PDLIM1: variants seen among roughly 807,000 people sequenced by gnomAD.
PDLIM1 encodes the protein PDZ and LIM domain 1.
A neutral mutation model predicts 35.2 loss-of-function variants in PDLIM1; 25 were observed. The ratio of observed to expected loss-of-function variants is 0.71; its 90% CI spans 0.52 to 0.99. PDLIM1 has a LOEUF of 0.99. PDLIM1 is among the 50% of genes least tolerant of loss of function. PDLIM1 has a pLI of 0.00. For missense variants in PDLIM1, 363 were observed against 415.3 expected (o/e 0.87, Z 1.09); for synonymous variants, 152 against 154.0 (o/e 0.99, Z 0.10).
At chr10:95,256,653 T>C (rs1309910247) in intron 4 of PDLIM1, among the ~76,000 whole-genome samples, 1 of 152,078 alleles carries the variant, frequency 6.6e-6, no homozygotes, top group Non-Finnish European at 1.5e-5. Flanking sequence ...AAGAATGAAG[T>C]TGGACCCTTA....
At chr10:95,254,792 T>C (rs1386745251) in intron 4 of PDLIM1, among the ~76,000 whole-genome samples, 1 of 152,016 alleles carries the variant, frequency 6.6e-6, no homozygotes, top group African/African-American at 2.4e-5. Context: ...TAGTGACACA[T>C]ACTTGTAGTC....
chr10:95,279,203 A>G (rs1056316739), intron 1 of PDLIM1, among the ~76,000 whole-genome samples: 2 of 152,226 alleles, frequency 1.3e-5, no homozygotes, highest in Admixed American at 1.3e-4. Flanking sequence ...CTGATCCTCT[A>G]TATGAGACAC....
chr10:95,260,827 T>C (rs1393491845), intron 4 of PDLIM1, among the ~76,000 whole-genome samples: 3 of 152,216 alleles, frequency 2.0e-5, no homozygotes, highest in African/African-American at 7.2e-5. Flanking sequence ...CACTTGGGAC[T>C]TGTGCTGACT....
At chr10:95,283,701 A>G (rs1461620375) in intron 1 of PDLIM1, among the ~76,000 whole-genome samples, 1 of 152,242 alleles carries the variant, frequency 6.6e-6, no homozygotes, top group East Asian at 1.9e-4. Context: ...GCGGGCTTCT[A>G]TGTAACCTTT....
intron 3 of PDLIM1, among the ~76,000 whole-genome samples, chr10:95,265,707 G>A (rs1324009759): frequency 6.6e-6 from 1 of 151,778 alleles, no homozygotes; most frequent in Non-Finnish European, 1.5e-5. Flanking sequence ...TTGAGCCTAG[G>A]AGTTCGAAAC....
intron 1 of PDLIM1, among the ~76,000 whole-genome samples, chr10:95,275,184 T>C (rs1279999835): frequency 1.3e-5 from 2 of 152,158 alleles, no homozygotes; most frequent in African/African-American, 4.8e-5. Context: ...AACACACTGT[T>C]TTCCACACCC....
In PDLIM1 at chr10:95,290,462, G is replaced by C. The variant is rs536427884; in HGVS notation, c.96+358C>G. Among the ~76,000 whole-genome samples the C allele has an allele frequency of 6.6e-5, 10 of 151,914 alleles. No homozygotes were observed. ...TGCACTGCGATCTGGGAAGAAGGGA[G>C]AAGTGCCATCTCCCAGCGCGCGGGA... On this transcript the variant is annotated intron_variant, in intron 1 of 6. Coordinates refer to ENST00000329399, the MANE Select transcript of PDLIM1 (RefSeq NM_020992.4). The surrounding 1 kb of genome is among the most constrained non-coding windows in gnomAD (Gnocchi z 4.7).
chr10:95,255,264 G>C (rs1289192612), intron 4 of PDLIM1, among the ~76,000 whole-genome samples: 1 of 143,946 alleles, frequency 6.9e-6, no homozygotes, highest in African/African-American at 2.6e-5. Flanking sequence ...ACTGAAGAGA[G>C]AATGCTTCCA....
At chr10:95,268,716 A>G in intron 3 of PDLIM1, 62 bp downstream of exon 3, 1 of 1,001,342 alleles carries the variant, frequency 1.0e-6, no homozygotes. Flanking sequence ...TGTGCTGAGC[A>G]GTGTCAGAAA....
At chr10:95,242,557 C>T (rs544312768) in intron 5 of PDLIM1, among the ~76,000 whole-genome samples, 3 of 151,794 alleles carry the variant, frequency 2.0e-5, no homozygotes, top group African/African-American at 7.3e-5. Context: ...CATTGTGGGA[C>T]GTGCCTGTAG....
intron 4 of PDLIM1, among the ~76,000 whole-genome samples, chr10:95,255,356 A>G (rs2035303714): frequency 6.6e-6 from 1 of 150,862 alleles, no homozygotes; most frequent in African/African-American, 2.4e-5. Context: ...ACAGACTGAT[A>G]TTACTAATGA....
chr10:95,261,281 A>G (rs1487678552), intron 4 of PDLIM1, among the ~76,000 whole-genome samples: 2 of 152,204 alleles, frequency 1.3e-5, no homozygotes, highest in African/African-American at 4.8e-5. Flanking sequence ...CAGCTCTTTC[A>G]ATTAAGGATG....
rs987778437 is a variant in PDLIM1, at chr10:95,247,096, T to C, written c.685+119A>G. ...ATCTCTTTTTAAAGAATTTCAGCATTTTAAAAGCCCATGCCCTCCAAAGCA... is the reference window on the plus strand; with the variant it reads ...ATCTCTTTTTAAAGAATTTCAGCATCTTAAAAGCCCATGCCCTCCAAAGCA... On this transcript the variant is annotated intron_variant, in intron 5 of 6. Coordinates refer to ENST00000329399, the MANE Select transcript of PDLIM1 (RefSeq NM_020992.4). 4 of 837,744 alleles carry C rather than the reference T, an allele frequency of 4.8e-6. No individual in the cohort carries two copies. The African/African-American group carries it at 6.8e-5, about 14-fold the overall frequency. 51.9% of individuals were successfully genotyped at this position (837,744 alleles called of 1,614,324 possible).
At chr10:95,279,511 G>A (rs1168874850) in intron 1 of PDLIM1, among the ~76,000 whole-genome samples, 1 of 152,086 alleles carries the variant, frequency 6.6e-6, no homozygotes, top group Non-Finnish European at 1.5e-5. Flanking sequence ...CAACTCTAAC[G>A]CTTTTCCTCT....
At chr10:95,279,877 A>C (rs2035545108) in intron 1 of PDLIM1, among the ~76,000 whole-genome samples, 1 of 152,218 alleles carries the variant, frequency 6.6e-6, no homozygotes, top group East Asian at 1.9e-4. Context: ...ACTGGGATTC[A>C]GCGATGAGGA....
chr10:95,257,006 G>GAA lies in PDLIM1; in HGVS notation c.533+6856_533+6857dup, dbSNP rs376776604. Among the ~76,000 whole-genome samples the GAA allele has an allele frequency of 1.5e-4, 13 of 87,606 alleles. No homozygotes were observed. In the Admixed American group the frequency reaches 1.8e-3, roughly 12 times the overall value. The allele number at this position is 87,606 out of a possible 152,430, so 57.5% of individuals were successfully genotyped here. A position where few individuals can be genotyped will look rare whatever the true frequency, so the allele number is the denominator to read the frequency against. On this transcript the variant is annotated intron_variant, in intron 4 of 6. Transcript: ENST00000329399. ...AAAAAAAAAGAAAGAAAGAAAGAAA[G>GAA]AAAGAAAGAAAGAAAGAAAGAAAGA...
At chr10:95,281,837 G>A (rs369180635) in intron 1 of PDLIM1, among the ~76,000 whole-genome samples, 1 of 152,164 alleles carries the variant, frequency 6.6e-6, no homozygotes, top group African/African-American at 2.4e-5. Context: ...ATAACTCGAC[G>A]TGGGTCCTAT....
chr10:95,285,287 C>A (rs557363747), intron 1 of PDLIM1, among the ~76,000 whole-genome samples: 1 of 152,282 alleles, frequency 6.6e-6, no homozygotes, highest in East Asian at 1.9e-4. Flanking sequence ...CACAAGGCAA[C>A]TGGAGAGCCA....
chr10:95,239,681 A>G (rs1009227591), intron 5 of PDLIM1, among the ~76,000 whole-genome samples: 4 of 152,180 alleles, frequency 2.6e-5, no homozygotes, highest in African/African-American at 9.7e-5. Context: ...CTATAGTTCC[A>G]GCTACTCAGG....
Sources: allele counts gnomAD v4.1 joint callset (sites outside exome capture counted in the v4.1 genomes callset), GRCh38; gene constraint gnomAD v4.1.1; non-coding constraint Gnocchi (gnomAD v3.1); transcripts MANE v1.5; gene names NCBI Gene and HGNC (gene_info 2026-07-23, HGNC 2026-07-21).